MAPK10: variants seen among roughly 807,000 people sequenced by gnomAD.
MAPK10 encodes JNK3 alpha protein kinase.
In MAPK10, 25 loss-of-function variants were observed where a neutral mutation model predicts 59.3. That is an observed-to-expected ratio of 0.42 (90% CI 0.31 to 0.59). The LOEUF (loss-of-function observed/expected upper bound fraction) is 0.59. Among genes scored for constraint, MAPK10 ranks in the 20% least tolerant of loss-of-function variants. The probability of loss-of-function intolerance (pLI) is 0.15; values close to 1 mark genes in which losing one functional copy is unlikely to be tolerated. For synonymous variants in MAPK10, 190 were observed against 200.5 expected (o/e 0.95, Z 0.44); for missense variants, 351 against 568.9 (o/e 0.62, Z 3.90).
intron 1 of MAPK10, among the ~76,000 whole-genome samples, chr4:86,501,258 C>T (rs915674603): frequency 6.6e-6 from 1 of 151,704 alleles, no homozygotes; most frequent in African/African-American, 2.4e-5. Context: ...TTGAGTTTCT[C>T]TGTGCCCTAT....
At chr4:86,168,746 G>C (rs2072887495) in intron 3 of MAPK10, among the ~76,000 whole-genome samples, 2 of 152,160 alleles carry the variant, frequency 1.3e-5, no homozygotes, top group African/African-American at 4.8e-5. Context: ...TCTGAGAACG[G>C]GCAGACTGCC....
At chr4:86,571,240 C>A (rs1398655579) in intron 1 of MAPK10, among the ~76,000 whole-genome samples, 2 of 145,526 alleles carry the variant, frequency 1.4e-5, no homozygotes, top group Admixed American at 6.9e-5. Flanking sequence ...TTAAAAAAAT[C>A]TTTGCAATGA....
chr4:86,207,163 G>C (rs1435046616), intron 2 of MAPK10, among the ~76,000 whole-genome samples: 1 of 150,858 alleles, frequency 6.6e-6, no homozygotes, highest in Non-Finnish European at 1.5e-5. Context: ...TTTCTTCTAG[G>C]GTTTTTATGG....
At chr4:86,107,611 A>G in intron 4 of MAPK10, 1 of 1,080,716 alleles carries the variant, frequency 9.3e-7, no homozygotes, top group Non-Finnish European at 1.1e-6. Context: ...AGAAGAGGGC[A>G]AAGGAGAAGA....
At chr4:86,135,058 C>G (rs1475842701) in intron 4 of MAPK10, among the ~76,000 whole-genome samples, 2 of 152,170 alleles carry the variant, frequency 1.3e-5, no homozygotes, top group Non-Finnish European at 1.5e-5. Flanking sequence ...CTTGCTGATT[C>G]CTAGCACAGC....
chr4:86,021,392 G>T (rs891051146), intron 13 of MAPK10, among the ~76,000 whole-genome samples: 1 of 150,734 alleles, frequency 6.6e-6, no homozygotes, highest in African/African-American at 2.5e-5. Context: ...GTTCTCCAAG[G>T]CCCCACCAGA....
intron 2 of MAPK10, among the ~76,000 whole-genome samples, chr4:86,317,770 T>TTAA (rs2095817736): frequency 6.6e-6 from 1 of 152,222 alleles, no homozygotes; most frequent in Non-Finnish European, 1.5e-5. Context: ...AGCATCTCTA[T>TTAA]TAGTTTCTGA....
intron 1 of MAPK10, among the ~76,000 whole-genome samples, chr4:86,467,927 C>T (rs1227178915): frequency 6.6e-6 from 1 of 152,150 alleles, no homozygotes; most frequent in Non-Finnish European, 1.5e-5. Flanking sequence ...CATAGATGTG[C>T]CCCTTGCTTA....
At chr4:86,201,541 C>T (rs773382142) in intron 2 of MAPK10, among the ~76,000 whole-genome samples, 1 of 151,740 alleles carries the variant, frequency 6.6e-6, no homozygotes, top group Non-Finnish European at 1.5e-5. Flanking sequence ...GGAGAGAAGG[C>T]TTTATCTTTA....
intron 9 of MAPK10, among the ~76,000 whole-genome samples, chr4:86,078,610 C>T (rs959348728): frequency 3.4e-4 from 51 of 151,612 alleles, no homozygotes; most frequent in Admixed American, 1.8e-3. Context: ...TATATACACA[C>T]ACACACACAC....
At chr4:86,442,410 G>A (rs1469292482) in intron 1 of MAPK10, among the ~76,000 whole-genome samples, 1 of 152,110 alleles carries the variant, frequency 6.6e-6, no homozygotes, top group East Asian at 1.9e-4. Context: ...TAAGCACTTG[G>A]AGGTTAATTA....
intron 1 of MAPK10, among the ~76,000 whole-genome samples, chr4:86,382,253 G>A (rs1400038547): frequency 1.3e-5 from 2 of 151,806 alleles, no homozygotes; most frequent in African/African-American, 2.4e-5. Flanking sequence ...GGAGGGAGGT[G>A]GAAAGTGGAT....
intron 11 of MAPK10, among the ~76,000 whole-genome samples, chr4:86,059,903 C>T (rs557595522): frequency 1.3e-5 from 2 of 152,268 alleles, no homozygotes; most frequent in East Asian, 3.9e-4. Context: ...TGCCAGCTGT[C>T]CTCTGGGTTC....
intron 1 of MAPK10, among the ~76,000 whole-genome samples, chr4:86,381,877 G>C (rs1441363022): frequency 6.6e-6 from 1 of 152,160 alleles, no homozygotes; most frequent in African/African-American, 2.4e-5. Context: ...CCCGTTTTGT[G>C]AGGAGGGGGC....
At chr4:86,183,475 T>A (rs1356605822) in intron 3 of MAPK10, among the ~76,000 whole-genome samples, 3 of 152,074 alleles carry the variant, frequency 2.0e-5, no homozygotes, top group East Asian at 3.9e-4. Flanking sequence ...GAACTCATCA[T>A]TTTTTATGGC....
intron 2 of MAPK10, among the ~76,000 whole-genome samples, chr4:86,242,399 T>G (rs2092786067): frequency 6.6e-6 from 1 of 152,202 alleles, no homozygotes; most frequent in Admixed American, 6.5e-5. Context: ...TGTGCTTTGC[T>G]GAGGGAAACC....
At chr4:86,276,766 C>T (rs1050317486) in intron 2 of MAPK10, among the ~76,000 whole-genome samples, 1 of 152,006 alleles carries the variant, frequency 6.6e-6, no homozygotes, top group Non-Finnish European at 1.5e-5. Context: ...CTATCATTAT[C>T]TGGTTCTATC....
intron 1 of MAPK10, among the ~76,000 whole-genome samples, chr4:86,431,628 A>G (rs1359570470): frequency 6.6e-6 from 1 of 152,246 alleles, no homozygotes; most frequent in Non-Finnish European, 1.5e-5. Flanking sequence ...TGCAGCCAGC[A>G]GAGTGGCCAT....
intron 4 of MAPK10, among the ~76,000 whole-genome samples, chr4:86,133,775 A>G (rs1341975634): frequency 6.6e-6 from 1 of 152,222 alleles, no homozygotes; most frequent in Non-Finnish European, 1.5e-5. Flanking sequence ...CATGTGGTAA[A>G]TAAGTTGAGG....
Sources: allele counts gnomAD v4.1 joint callset (sites outside exome capture counted in the v4.1 genomes callset), GRCh38; gene constraint gnomAD v4.1.1; transcripts MANE v1.5; gene names NCBI Gene and HGNC (gene_info 2026-07-23, HGNC 2026-07-21).